QTMAN: variants seen among roughly 807,000 people sequenced by gnomAD.
QTMAN encodes the protein tRNA-queuosine alpha-mannosyltransferase.
At chr2:144,209,479 G>A in the QTMAN span, among the ~76,000 whole-genome samples, 1 of 152,148 alleles carries the variant, frequency 6.6e-6, no homozygotes, top group East Asian at 1.9e-4. Flanking sequence ...ACCCCAAAAT[G>A]GAACACCAAA....
the QTMAN span, among the ~76,000 whole-genome samples, chr2:144,115,222 C>A: frequency 6.7e-6 from 1 of 148,774 alleles, no homozygotes; most frequent in Admixed American, 6.7e-5. Context: ...CAGAGCGAGA[C>A]CCTGTCTAAA....
At chr2:144,149,602 C>T in the QTMAN span, among the ~76,000 whole-genome samples, 2 of 151,510 alleles carry the variant, frequency 1.3e-5, no homozygotes, top group Non-Finnish European at 2.9e-5. Context: ...ACCATTTCAC[C>T]AAAAGTACAA....
the QTMAN span, among the ~76,000 whole-genome samples, chr2:143,983,722 C>G: frequency 6.6e-6 from 1 of 152,108 alleles, no homozygotes; most frequent in Non-Finnish European, 1.5e-5. Context: ...ATCCGCCTGC[C>G]TCGGCCTCCC....
chr2:144,027,193 C>T, the QTMAN span, among the ~76,000 whole-genome samples: 4 of 152,126 alleles, frequency 2.6e-5, no homozygotes, highest in South Asian at 2.1e-4. Flanking sequence ...TTACCAATTA[C>T]GTTTCCACTG....
the QTMAN span, among the ~76,000 whole-genome samples, chr2:144,281,903 A>C: frequency 6.6e-6 from 1 of 152,124 alleles, no homozygotes; most frequent in Non-Finnish European, 1.5e-5. Flanking sequence ...GCAGGTTTGT[A>C]ATTTCTGTTC....
the QTMAN span, among the ~76,000 whole-genome samples, chr2:143,999,883 G>A: frequency 6.6e-6 from 1 of 152,066 alleles, no homozygotes; most frequent in Admixed American, 6.6e-5. Flanking sequence ...GGCAACAAGA[G>A]CTTTAGTTTA....
the QTMAN span, among the ~76,000 whole-genome samples, chr2:144,100,859 CTTTTTTT>C: frequency 3.9e-5 from 3 of 77,920 alleles, no homozygotes; most frequent in African/African-American, 5.6e-5. Context: ...GTCTTTCTTT[CTTTTTTT>C]TTTTTTTTTT....
chr2:144,317,364 GGGAAGGAAGGAAGGAAGGAT>G, the QTMAN span: 1 of 88,176 alleles, frequency 1.1e-5, no homozygotes, highest in Non-Finnish European at 2.3e-5. Flanking sequence ...GATCTTCAAG[GGGAAGGAAGGAAGGAAGGAT>G]GGAAGGAAGG....
At chr2:143,952,512 TA>T in the QTMAN span, among the ~76,000 whole-genome samples, 1 of 151,572 alleles carries the variant, frequency 6.6e-6, no homozygotes, top group Non-Finnish European at 1.5e-5. Flanking sequence ...GACCTGCTTA[TA>T]AAAATCCATC....
the QTMAN span, among the ~76,000 whole-genome samples, chr2:144,040,551 G>T: frequency 1.3e-5 from 2 of 151,920 alleles, no homozygotes; most frequent in Non-Finnish European, 2.9e-5. Context: ...TATATACGTC[G>T]CTAAGACCCT....
the QTMAN span, chr2:144,128,339 C>T: frequency 5.9e-5 from 9 of 152,064 alleles, no homozygotes; most frequent in African/African-American, 1.4e-4. Context: ...GAACAAAATA[C>T]GCTATCAGCA....
At chr2:143,956,229 T>C in the QTMAN span, among the ~76,000 whole-genome samples, 2 of 152,210 alleles carry the variant, frequency 1.3e-5, no homozygotes, top group African/African-American at 4.8e-5. Context: ...TTGAATAGTT[T>C]GGCTGACAAG....
At chr2:144,298,559 T>C in the QTMAN span, among the ~76,000 whole-genome samples, 2 of 152,142 alleles carry the variant, frequency 1.3e-5, no homozygotes, top group Non-Finnish European at 2.9e-5. Flanking sequence ...CCAAAGTACA[T>C]GTAACATTAA....
chr2:144,270,509 A>G, the QTMAN span, among the ~76,000 whole-genome samples: 1 of 152,234 alleles, frequency 6.6e-6, no homozygotes, highest in Non-Finnish European at 1.5e-5. Flanking sequence ...TTGCAGGGAC[A>G]TGGATGAAGC....
At chr2:143,986,137 C>T in the QTMAN span, among the ~76,000 whole-genome samples, 1 of 152,022 alleles carries the variant, frequency 6.6e-6, no homozygotes, top group Non-Finnish European at 1.5e-5. Flanking sequence ...CCAGGCAGAC[C>T]AATTTTATAT....
At chr2:144,179,074 C>A in the QTMAN span, 1 of 382,368 alleles carries the variant, frequency 2.6e-6, no homozygotes, top group South Asian at 2.1e-5. Context: ...GGAATACTTA[C>A]ATATAGTCAA....
the QTMAN span, among the ~76,000 whole-genome samples, chr2:144,152,291 A>T: frequency 6.6e-6 from 1 of 152,212 alleles, no homozygotes; most frequent in South Asian, 2.1e-4. Flanking sequence ...CTGTTTTCTT[A>T]ACATCTATCC....
the QTMAN span, among the ~76,000 whole-genome samples, chr2:144,160,294 T>C: frequency 6.6e-6 from 1 of 152,120 alleles, no homozygotes; most frequent in Non-Finnish European, 1.5e-5. Context: ...AAACAAGCAT[T>C]TCCTACAAAA....
the QTMAN span, among the ~76,000 whole-genome samples, chr2:144,028,805 A>G: frequency 6.6e-6 from 1 of 152,252 alleles, no homozygotes; most frequent in East Asian, 1.9e-4. Flanking sequence ...TGTTTGCAAA[A>G]GAATGGCCCT....
Sources: allele counts gnomAD v4.1 joint callset (sites outside exome capture counted in the v4.1 genomes callset), GRCh38; gene constraint gnomAD v4.1.1; transcripts MANE v1.5; gene names NCBI Gene and HGNC (gene_info 2026-07-23, HGNC 2026-07-21).